The following UBA6 variants were observed in gnomAD, a reference collection of about 807,000 sequenced individuals.
The protein encoded by UBA6 is ubiquitin like modifier activating enzyme 6.
UBA6 carries 87 observed loss-of-function variants against 148.3 expected under a neutral mutation model. The observed-to-expected ratio is 0.59, with a 90% confidence interval of 0.49 to 0.70. The LOEUF (loss-of-function observed/expected upper bound fraction) is 0.70, where lower values mean the gene tolerates loss of function less well. UBA6 is among the 30% of genes least tolerant of loss of function. The pLI, the probability that UBA6 is intolerant of heterozygous loss-of-function variation, is 0.00. For synonymous variants in UBA6, 376 were observed against 401.0 expected (o/e 0.94, Z 0.75); for missense variants, 1,186 against 1,241.2 (o/e 0.96, Z 0.67).
chr4:67,662,079 A>C, intron 13 of UBA6, 110 bp downstream of exon 13: 1 of 1,021,060 alleles, frequency 9.8e-7, no homozygotes, highest in Non-Finnish European at 1.5e-6. Flanking sequence ...AAAGTTGTCT[A>C]ATGCCACAGA....
intron 14 of UBA6, among the ~76,000 whole-genome samples, chr4:67,648,433 A>G (rs1318432872): frequency 1.3e-5 from 2 of 148,612 alleles, no homozygotes; most frequent in Admixed American, 6.8e-5. Context: ...GCGCCATTGC[A>G]CTCCAGCCTG....
chr4:67,663,781 C>A, intron 11 of UBA6, 104 bp downstream of exon 11: 1 of 957,148 alleles, frequency 1.0e-6, no homozygotes, highest in Non-Finnish European at 1.7e-6. Context: ...TAAGGCCCGA[C>A]AGCCAGATAC....
chr4:67,634,417 AG>A lies in UBA6; in HGVS notation c.1932+11del. ...CACTTCAAAGAAAATAAATTTAAAAAGGAACTTTTACCTTATCTCTTGCCCA... is the reference window on the plus strand; with the variant it reads ...CACTTCAAAGAAAATAAATTTAAAAAGAACTTTTACCTTATCTCTTGCCCA... On this transcript the variant is annotated intron_variant, in intron 21 of 32. Transcript: ENST00000322244. 6.4e-7 allele frequency: 1 copy of A among 1,568,906 alleles called. No individual in the cohort carries two copies. The highest frequency in any genetic ancestry group is 8.6e-7 in the Non-Finnish European group (1 of 1,166,236).
intron 13 of UBA6, chr4:67,661,864 A>T (rs1207128550): frequency 2.5e-5 from 7 of 277,596 alleles, no homozygotes; most frequent in Non-Finnish European, 4.5e-5. Flanking sequence ...ATATAAGTTT[A>T]AGTTAACAAA....
intron 13 of UBA6, among the ~76,000 whole-genome samples, chr4:67,660,144 G>C (rs544906250): frequency 6.6e-6 from 1 of 152,296 alleles, no homozygotes; most frequent in Admixed American, 6.5e-5. Context: ...GAGAAGCAGA[G>C]CATAAAAGTT....
Position 67,681,563 on chromosome 4 carries a change from C to A in UBA6, c.258G>T (p.Lys86Asn). Residue 86 changes from lysine to asparagine, a missense_variant and splice_region_variant, in exon 4 of 33, where the codon AAG (lysine) becomes AAT (asparagine). Transcript: ENST00000322244. Reference sequence around the variant, plus strand: ...TTTCTTACAGAGGACATTTACTTACCTTAATCCCTGCAAGAACAAGATTCT... The same window carrying A: ...TTTCTTACAGAGGACATTTACTTACATTAATCCCTGCAAGAACAAGATTCT... The part of the protein sequence containing the change: ...IAKNLVLAGI[K>N]AVTIHDTEKC... The A allele has an allele frequency of 6.3e-7, 1 of 1,575,762 alleles. No individual in the cohort carries two copies. Among genetic ancestry groups the A allele is most frequent in the South Asian group, 1.2e-5 (1 of 83,660 alleles).
intron 18 of UBA6, 128 bp from the exon 19 acceptor site, chr4:67,639,252 A>C: frequency 3.1e-6 from 2 of 649,238 alleles, no homozygotes; most frequent in Non-Finnish European, 4.9e-6. Flanking sequence ...AATGAGAGTA[A>C]TGAGACCAGT....
At chr4:67,643,514 T>G (rs2109914806) in intron 17 of UBA6, among the ~76,000 whole-genome samples, 1 of 152,164 alleles carries the variant, frequency 6.6e-6, no homozygotes, top group South Asian at 2.1e-4. Flanking sequence ...CCCCTTACCC[T>G]GGTGTGGTAC....
intron 29 of UBA6, 60 bp from the exon 30 acceptor site, chr4:67,624,313 T>C (rs1229639948): frequency 2.7e-6 from 4 of 1,489,764 alleles, no homozygotes; most frequent in Non-Finnish European, 3.6e-6. Flanking sequence ...TGATTTTAAT[T>C]GCATCTATTC....
At chr4:67,677,314 C>T (rs1345615279) in intron 6 of UBA6, among the ~76,000 whole-genome samples, 1 of 152,136 alleles carries the variant, frequency 6.6e-6, no homozygotes, top group Non-Finnish European at 1.5e-5. Context: ...CCCCAACTGA[C>T]ATATTCAGGT....
intron 2 of UBA6, among the ~76,000 whole-genome samples, chr4:67,692,166 T>C (rs928878640): frequency 2.7e-4 from 41 of 152,040 alleles, no homozygotes; most frequent in Non-Finnish European, 4.4e-5. Flanking sequence ...TTGATAACTT[T>C]AGAAAGAGGT....
intron 4 of UBA6, among the ~76,000 whole-genome samples, chr4:67,681,337 T>C (rs1297260212): frequency 4.6e-5 from 7 of 152,202 alleles, no homozygotes; most frequent in Admixed American, 1.3e-4. Flanking sequence ...GAAGAAGATA[T>C]ATGAAACAAA....
chr4:67,675,873 C>G lies in UBA6; in HGVS notation c.465+1738G>C, dbSNP rs1730267184. Among the ~76,000 whole-genome samples, 3 of 152,130 alleles carry G rather than the reference C, an allele frequency of 2.0e-5. No individual in the cohort carries two copies. In the South Asian group the frequency reaches 6.2e-4, roughly 31 times the overall value. ...GTCATATTGAGCTGCTTTTTCCCATCTTGTTATTTTGTACTGTGAACTCAA... is the reference window on the plus strand; with the variant it reads ...GTCATATTGAGCTGCTTTTTCCCATGTTGTTATTTTGTACTGTGAACTCAA... On this transcript the variant is annotated intron_variant, in intron 6 of 32. Coordinates refer to ENST00000322244, the MANE Select transcript of UBA6 (RefSeq NM_018227.6).
In UBA6 at chr4:67,662,260, A is replaced by G; in HGVS notation, c.1038-5T>C. On this transcript the variant is annotated splice_polypyrimidine_tract_variant and splice_region_variant and intron_variant, in intron 12 of 32. Transcript: ENST00000322244. ...TCTTCTGAATCTTGTTGGCATCTAC[A>G]ACTCAAAACAGAACACCCTAACTTT... The G allele has an allele frequency of 6.2e-7, 1 of 1,612,984 alleles. No individual in the cohort carries two copies. The highest frequency in any genetic ancestry group is 8.5e-7 in the Non-Finnish European group (1 of 1,179,488).
intron 32 of UBA6, among the ~76,000 whole-genome samples, chr4:67,620,731 GA>G (rs1223590096): frequency 6.6e-6 from 1 of 152,142 alleles, no homozygotes; most frequent in African/African-American, 2.4e-5. Context: ...AACATTTATG[GA>G]ATACTTCTTA....
chr4:67,691,193 A>G (rs1730686351), intron 2 of UBA6, among the ~76,000 whole-genome samples: 1 of 152,162 alleles, frequency 6.6e-6, no homozygotes, highest in African/African-American at 2.4e-5. Context: ...AAAATTAAGA[A>G]AATGTCATGA....
At chr4:67,659,998 G>A (rs1307876624) in intron 13 of UBA6, among the ~76,000 whole-genome samples, 1 of 152,180 alleles carries the variant, frequency 6.6e-6, no homozygotes, top group Non-Finnish European at 1.5e-5. Flanking sequence ...TTGAACTTGA[G>A]AGAGATGATT....
At chr4:67,665,880 C>T (rs1181118890) in intron 9 of UBA6, among the ~76,000 whole-genome samples, 2 of 151,916 alleles carry the variant, frequency 1.3e-5, no homozygotes, top group African/African-American at 4.8e-5. Flanking sequence ...CCTTTAAAAC[C>T]ATGTAGTAAG....
In UBA6 at chr4:67,701,086, C is replaced by G. The variant is rs1730971147; in HGVS notation, c.34G>C (p.Gly12Arg). The G allele has an allele frequency of 2.5e-6, 4 of 1,613,700 alleles. No individual in the cohort carries two copies. The highest frequency in any genetic ancestry group is 3.4e-6 in the Non-Finnish European group (4 of 1,179,814). The change falls in exon 1 of 33, where the codon GGG becomes CGG. Residue 12 changes from glycine (G) to arginine (R), a missense_variant. Physicochemically the swap from Gly to Arg is moderately radical, Grantham distance 125 (BLOSUM62 -2). Transcript: ENST00000322244. Reference protein sequence around the residue: ...EGSEPVAAHQGEEASCSSWGT... With the variant: ...EGSEPVAAHQREEASCSSWGT... Reference sequence around the variant, plus strand: ...CAGGAAGAACAGGACGCCTCTTCCCCCTGATGGGCGGCCACAGGCTCGGAT... The same window carrying G: ...CAGGAAGAACAGGACGCCTCTTCCCGCTGATGGGCGGCCACAGGCTCGGAT...
Sources: allele counts gnomAD v4.1 joint callset (sites outside exome capture counted in the v4.1 genomes callset), GRCh38; gene constraint gnomAD v4.1.1; transcripts MANE v1.5; gene names NCBI Gene and HGNC (gene_info 2026-07-23, HGNC 2026-07-21).